Variants in SPATS2L observed in about 807,000 individuals in gnomAD.
SPATS2L encodes the protein SPATS2-like protein.
A neutral mutation model predicts 59.6 loss-of-function variants in SPATS2L; 30 were observed. That is an observed-to-expected ratio of 0.50 (90% CI 0.38 to 0.68). The LOEUF is 0.68. SPATS2L is among the 30% of genes least tolerant of loss of function. SPATS2L has a pLI of 0.00. For missense variants in SPATS2L, 615 were observed against 700.0 expected (o/e 0.88, Z 1.37); for synonymous variants, 252 against 263.5 (o/e 0.96, Z 0.42).
chr2:200,436,148 AG>A (rs1484525842), intron 6 of SPATS2L, among the ~76,000 whole-genome samples: 3 of 152,152 alleles, frequency 2.0e-5, no homozygotes, highest in African/African-American at 7.2e-5. Flanking sequence ...GAAGTTTACA[AG>A]TGGACTCCCG....
chr2:200,327,598 G>A (rs2079795803), intron 1 of SPATS2L, among the ~76,000 whole-genome samples: 1 of 152,182 alleles, frequency 6.6e-6, no homozygotes, highest in Admixed American at 6.5e-5. Context: ...GACAACTCAT[G>A]TTATTTATTG....
At chr2:200,473,105 T>C (rs1574745722) in intron 12 of SPATS2L, 53 bp downstream of exon 12, 1 of 1,437,352 alleles carries the variant, frequency 7.0e-7, no homozygotes, top group African/African-American at 1.5e-5. Context: ...AAAACCTGTT[T>C]CCAGAGGAAG....
upstream of SPATS2L, chr2:200,306,499 T>G: frequency 1.0e-6 from 1 of 1,002,030 alleles, no homozygotes; most frequent in Non-Finnish European, 1.2e-6. Flanking sequence ...ACGAGATCTG[T>G]GTCAGAACGT....
intron 1 of SPATS2L, among the ~76,000 whole-genome samples, chr2:200,307,850 C>G (rs2079079097): frequency 6.6e-6 from 1 of 152,214 alleles, no homozygotes; most frequent in African/African-American, 2.4e-5. Flanking sequence ...GTTTTGGAGA[C>G]CTGACACTTT....
At chr2:200,449,170 CT>C (rs2085270204) in intron 8 of SPATS2L, among the ~76,000 whole-genome samples, 1 of 152,192 alleles carries the variant, frequency 6.6e-6, no homozygotes, top group South Asian at 2.1e-4. Flanking sequence ...TTCCTATTTT[CT>C]TTCTTCCCTG....
intron 3 of SPATS2L, among the ~76,000 whole-genome samples, chr2:200,393,467 A>G (rs764637932): frequency 6.6e-6 from 1 of 152,240 alleles, no homozygotes; most frequent in Non-Finnish European, 1.5e-5. Flanking sequence ...AATTAACAGT[A>G]GTGTTTTCCC....
At chr2:200,440,510 A>G in intron 7 of SPATS2L, 139 bp from the exon 8 acceptor site, 1 of 829,690 alleles carries the variant, frequency 1.2e-6, no homozygotes, top group Non-Finnish European at 1.8e-6. Context: ...CTGGGTTACA[A>G]ACATTCTCCT....
intron 6 of SPATS2L, among the ~76,000 whole-genome samples, chr2:200,435,219 G>A (rs985817693): frequency 1.2e-4 from 18 of 152,204 alleles, no homozygotes; most frequent in African/African-American, 3.1e-4. Context: ...AGAAACCAAC[G>A]TGATACTCAG....
chr2:200,470,001 A>C lies in SPATS2L; in HGVS notation c.1045A>C (p.Met349Leu). Residue 349 changes from methionine to leucine, a missense_variant, in exon 11 of 13, where the codon ATG becomes CTG. Met to Leu is a conservative substitution (Grantham distance 15). This residue lies in a region of SPATS2L where 284 missense variants were observed against 280.1 expected (regional missense o/e 1.01). Coordinates refer to ENST00000409140, the MANE Select transcript of SPATS2L (RefSeq NM_001100423.2). ...CDIEQLKAQI[M>L]LCGEITHPKN... ...CATCGAACAGCTGAAGGCCCAAATC[A>C]TGCTCTGCGGAGAAAGTGAGTTTTG... 1 of 1,610,180 alleles carries C rather than the reference A, an allele frequency of 6.2e-7. No individual in the cohort carries two copies. Among genetic ancestry groups the C allele is most frequent in the South Asian group, 1.1e-5 (1 of 90,058 alleles).
chr2:200,341,847 GC>G (rs1209773674), intron 2 of SPATS2L, among the ~76,000 whole-genome samples: 1 of 151,656 alleles, frequency 6.6e-6, no homozygotes, highest in African/African-American at 2.4e-5. Flanking sequence ...CTGCCACCAC[GC>G]CCAGATATTT....
chr2:200,373,990 A>G (rs2081516094), intron 2 of SPATS2L, among the ~76,000 whole-genome samples: 1 of 152,210 alleles, frequency 6.6e-6, no homozygotes, highest in Non-Finnish European at 1.5e-5. Flanking sequence ...GAAAAATGAA[A>G]CAAGGATATT....
chr2:200,475,765 C>T (rs2087468797), intron 12 of SPATS2L, among the ~76,000 whole-genome samples: 1 of 152,182 alleles, frequency 6.6e-6, no homozygotes, highest in Non-Finnish European at 1.5e-5. Flanking sequence ...AAACCTATAC[C>T]ATCCAGTCAC....
chr2:200,466,280 A>G (rs183961133), intron 9 of SPATS2L, among the ~76,000 whole-genome samples: 442 of 152,266 alleles, frequency 2.9e-3, no homozygotes, highest in Non-Finnish European at 4.2e-3. Flanking sequence ...TCCGACATGC[A>G]TGTCATCTTA....
intron 10 of SPATS2L, among the ~76,000 whole-genome samples, chr2:200,468,422 G>A (rs1394042854): frequency 7.6e-6 from 1 of 131,686 alleles, no homozygotes; most frequent in Admixed American, 8.6e-5. Context: ...TAGAGTGGTT[G>A]CAAGACACAG....
chr2:200,465,195 A>G (rs1044558305), intron 9 of SPATS2L, among the ~76,000 whole-genome samples: 3 of 152,198 alleles, frequency 2.0e-5, no homozygotes, highest in African/African-American at 7.2e-5. Context: ...GGGGGAAACC[A>G]TGGCACACTG....
chr2:200,326,682 A>T (rs185681596), intron 1 of SPATS2L, among the ~76,000 whole-genome samples: 1 of 152,134 alleles, frequency 6.6e-6, no homozygotes, highest in Non-Finnish European at 1.5e-5. Context: ...TAAAGACAGT[A>T]TATCTGCTAC....
intron 2 of SPATS2L, among the ~76,000 whole-genome samples, chr2:200,369,189 C>T (rs748022567): frequency 5.9e-5 from 9 of 151,916 alleles, no homozygotes; most frequent in African/African-American, 9.7e-5. Flanking sequence ...GACAGAGACT[C>T]GCTTTGTCAC....
chr2:200,441,915 G>A (rs2084725555), intron 8 of SPATS2L, among the ~76,000 whole-genome samples: 1 of 152,146 alleles, frequency 6.6e-6, no homozygotes, highest in African/African-American at 2.4e-5. Context: ...GAAACTGTGT[G>A]TAAAACTAAG....
In SPATS2L at chr2:200,480,255, C is replaced by T. The variant is rs1339201269; in HGVS notation, c.*2224C>T. ...CCCAAACACATTCCTGAGCACAGAG[C>T]AAACACTCCCATGTCACTGAAAAGA... On this transcript the variant is annotated 3_prime_UTR_variant, in exon 13 of 13. Coordinates refer to ENST00000409140, the MANE Select transcript of SPATS2L (RefSeq NM_001100423.2). The T allele has an allele frequency of 6.6e-6, 1 of 152,248 alleles. No homozygotes were observed. The highest frequency in any genetic ancestry group is 1.5e-5 in the Non-Finnish European group (1 of 68,286). 9.4% of individuals were successfully genotyped at this position (152,248 alleles called of 1,614,324 possible).
Sources: allele counts gnomAD v4.1 joint callset (sites outside exome capture counted in the v4.1 genomes callset), GRCh38; gene constraint gnomAD v4.1.1; regional missense constraint gnomAD v4.1.1; transcripts MANE v1.5; gene names NCBI Gene and HGNC (gene_info 2026-07-23, HGNC 2026-07-21).